Variants in SBF2 observed in about 807,000 individuals in gnomAD.
SBF2 encodes the protein myotubularin-related protein 13.
In SBF2, 112 loss-of-function variants were observed where a neutral mutation model predicts 225.2. The observed-to-expected ratio is 0.50, with a 90% CI of 0.43 to 0.58. The LOEUF is 0.58. Among genes scored for constraint, SBF2 ranks in the 20% least tolerant of loss-of-function variants. The probability of loss-of-function intolerance (pLI) is 0.00; values close to 1 mark genes in which losing one functional copy is unlikely to be tolerated. For synonymous variants in SBF2, 763 were observed against 773.3 expected (o/e 0.99, Z 0.22); for missense variants, 1,996 against 2,206.2 (o/e 0.90, Z 1.91).
At chr11:9,850,332 T>A in intron 21 of SBF2, 114 bp from the exon 22 acceptor site, 1 of 955,586 alleles carries the variant, frequency 1.0e-6, no homozygotes, top group Non-Finnish European at 1.6e-6. Context: ...CATAGTTCAC[T>A]GCAGCATCAA....
At chr11:10,009,195 C>T (rs1008724201) in intron 6 of SBF2, among the ~76,000 whole-genome samples, 2 of 152,182 alleles carry the variant, frequency 1.3e-5, no homozygotes, top group Non-Finnish European at 2.9e-5. Flanking sequence ...GGATATGTTC[C>T]TATTGTCATA....
In SBF2 at chr11:9,832,337, A is replaced by T; in HGVS notation, c.3539T>A (p.Leu1180Gln). Residue 1180 changes from leucine to glutamine, a missense_variant, in exon 27 of 40, where the codon CTG (leucine) becomes CAG (glutamine). Physicochemically the swap from Leu to Gln is moderately radical, Grantham distance 113. Coordinates refer to ENST00000256190, the MANE Select transcript of SBF2 (RefSeq NM_030962.4). ...RVARCYRHNR[L>Q]PVVCWKNSRS... The stretch of plus-strand genomic sequence containing the variant: ...TGAGTTCTTCCAACATACAACAGGC[A>T]GGCGATTGTGTCGATAGCAGCGAGC... The T allele has an allele frequency of 6.2e-7, 1 of 1,614,136 alleles. No homozygotes were observed. Among genetic ancestry groups the T allele is most frequent in the Non-Finnish European group, 8.5e-7 (1 of 1,179,990 alleles).
At chr11:10,104,674 T>C (rs1047236008) in intron 2 of SBF2, among the ~76,000 whole-genome samples, 2 of 152,278 alleles carry the variant, frequency 1.3e-5, no homozygotes, top group South Asian at 2.1e-4. Context: ...AGTTCCAAAA[T>C]AGTCACATTA....
In SBF2 at chr11:9,909,129, G is replaced by A. The variant is rs539148417; in HGVS notation, c.1861-13118C>T. On this transcript the variant is annotated intron_variant, in intron 16 of 39. Coordinates refer to ENST00000256190, the MANE Select transcript of SBF2 (RefSeq NM_030962.4). ...ACAAAAGAAAGATTACTCTAAAAAT[G>A]AAAAGAAAGCTATTTTACAAATACA... Among the ~76,000 whole-genome samples the A allele has an allele frequency of 3.9e-5, 6 of 152,194 alleles. No individual in the cohort carries two copies. In the East Asian group the frequency reaches 1.2e-3, roughly 29 times the overall value.
chr11:9,874,377 A>G (rs1159440534), intron 17 of SBF2, among the ~76,000 whole-genome samples: 1 of 152,140 alleles, frequency 6.6e-6, no homozygotes, highest in East Asian at 1.9e-4. Flanking sequence ...TATCTACTCA[A>G]CTTTTCCAGA....
In SBF2 at chr11:9,849,822, G is replaced by A. The variant is rs74498276; in HGVS notation, c.2806+201C>T. On this transcript the variant is annotated intron_variant, in intron 22 of 39. Transcript: ENST00000256190. ...TGAACCCTTGATTTATTGTTTAGAA[G>A]ATAACACTTTGTTCTTCAAGTAAAA... 0.024 allele frequency among the ~76,000 whole-genome samples: 3,624 copies of A among 152,306 alleles called. 60 individuals carry two copies. Among genetic ancestry groups the A allele is most frequent in the Middle Eastern group, 0.061 (18 of 294 alleles).
intron 2 of SBF2, among the ~76,000 whole-genome samples, chr11:10,095,427 T>C (rs1373291393): frequency 1.3e-5 from 2 of 152,056 alleles, no homozygotes; most frequent in African/African-American, 4.8e-5. Flanking sequence ...ATACATAACA[T>C]AGAAATACTT....
At chr11:10,246,111 T>C (rs930956927) in intron 1 of SBF2, among the ~76,000 whole-genome samples, 35 of 152,244 alleles carry the variant, frequency 2.3e-4, no homozygotes, top group African/African-American at 8.4e-4. Context: ...ACAAAGACAC[T>C]AGATCTTACG....
chr11:10,151,354 T>C lies in SBF2; in HGVS notation c.141+42548A>G, dbSNP rs568787479. Among the ~76,000 whole-genome samples, 5 of 152,276 alleles carry C rather than the reference T, an allele frequency of 3.3e-5. No homozygotes were observed. In the East Asian group the frequency reaches 9.6e-4, roughly 29 times the overall value. On this transcript the variant is annotated intron_variant, in intron 2 of 39. Transcript: ENST00000256190. ...CCATATATCCATTGATATCTTTAAT[T>C]AGGATTCCTTTCCTCCCCATGTTGT...
chr11:9,838,449 T>C (rs1472628795), intron 26 of SBF2: 1 of 152,218 alleles, frequency 6.6e-6, no homozygotes, highest in African/African-American at 2.4e-5. Context: ...ATGACTCATC[T>C]TCAGAGAAAA....
At chr11:9,975,517 G>A (rs1261514861) in intron 13 of SBF2, among the ~76,000 whole-genome samples, 2 of 152,186 alleles carry the variant, frequency 1.3e-5, no homozygotes, top group Admixed American at 6.5e-5. Context: ...AACTTTGGGG[G>A]AGTGATAGAA....
intron 1 of SBF2, among the ~76,000 whole-genome samples, chr11:10,246,841 G>A (rs1393910310): frequency 6.6e-6 from 1 of 152,126 alleles, no homozygotes; most frequent in Non-Finnish European, 1.5e-5. Flanking sequence ...TTGGGAGGTC[G>A]AAGCAGGAGA....
intron 32 of SBF2, among the ~76,000 whole-genome samples, chr11:9,797,869 A>C (rs921818570): frequency 6.6e-6 from 1 of 152,168 alleles, no homozygotes; most frequent in Non-Finnish European, 1.5e-5. Flanking sequence ...GCTACTCAGG[A>C]GGCTGAGGAG....
intron 16 of SBF2, among the ~76,000 whole-genome samples, chr11:9,939,306 C>T (rs1167017827): frequency 1.3e-5 from 2 of 152,098 alleles, no homozygotes; most frequent in African/African-American, 4.8e-5. Flanking sequence ...CCACCTTGGC[C>T]AGGCTGGTGT....
At chr11:9,867,515 T>C (rs1344078533) in intron 17 of SBF2, among the ~76,000 whole-genome samples, 2 of 152,174 alleles carry the variant, frequency 1.3e-5, no homozygotes, top group African/African-American at 4.8e-5. Context: ...AGATCTACCA[T>C]ACCACTGCTG....
At chr11:9,962,172 T>A (rs920721434) in intron 15 of SBF2, 66 bp from the exon 16 acceptor site, 7 of 1,473,022 alleles carry the variant, frequency 4.8e-6, no homozygotes, top group Middle Eastern at 3.4e-4. Flanking sequence ...TTTCAAACAA[T>A]CATCCTGAAA....
chr11:9,790,535 A>G (rs1202089951), intron 34 of SBF2, 21 bp downstream of exon 34: 4 of 1,570,092 alleles, frequency 2.5e-6, no homozygotes. Context: ...AAAGTGAAAC[A>G]TAAATGATTT....
intron 30 of SBF2, chr11:9,809,301 A>G (rs1383724454): frequency 6.7e-6 from 2 of 300,082 alleles, no homozygotes; most frequent in African/African-American, 2.1e-5. Context: ...CCCCATCTCA[A>G]TGAAAACAAC....
At chr11:10,274,447 T>C (rs1351406858) in intron 1 of SBF2, among the ~76,000 whole-genome samples, 1 of 152,168 alleles carries the variant, frequency 6.6e-6, no homozygotes, top group African/African-American at 2.4e-5. Context: ...AGTTTCATTT[T>C]ATTAAGAGAA....
Sources: allele counts gnomAD v4.1 joint callset (sites outside exome capture counted in the v4.1 genomes callset), GRCh38; gene constraint gnomAD v4.1.1; transcripts MANE v1.5; gene names NCBI Gene and HGNC (gene_info 2026-07-23, HGNC 2026-07-21).